The following NOL4L variants were observed in gnomAD, a reference collection of about 807,000 sequenced individuals.
NOL4L encodes nucleolar protein 4-like.
NOL4L carries 7 observed loss-of-function variants against 64.5 expected under a neutral mutation model. The ratio of observed to expected loss-of-function variants is 0.11; its 90% confidence interval spans 0.06 to 0.20. The LOEUF is 0.20. Among genes scored for constraint, NOL4L ranks in the 10% least tolerant of loss-of-function variants. The probability of loss-of-function intolerance (pLI) is 1.00; values close to 1 mark genes in which losing one functional copy is unlikely to be tolerated. For missense variants in NOL4L, 680 were observed against 967.1 expected, an observed-to-expected ratio of 0.70 and a Z score of 3.94; for synonymous variants, 413 against 401.0, an observed-to-expected ratio of 1.03 and a Z score of -0.36.
chr20:32,510,239 C>G, intron 4 of NOL4L: 1 of 347,850 alleles, frequency 2.9e-6, no homozygotes, highest in South Asian at 2.2e-5. Context: ...TTCTACCGCT[C>G]AGAGCAAAGC....
At position 32,584,634 on chromosome 20, in the gene NOL4L, C is replaced by A; in HGVS notation, c.257G>T (p.Arg86Leu). 6.5e-7 allele frequency: 1 copy of A among 1,541,396 alleles called. No individual in the cohort carries two copies. Among genetic ancestry groups the A allele is most frequent in the Non-Finnish European group, 8.8e-7 (1 of 1,142,458 alleles). ...FQFWVRSKGF[R>L]LGSGREPKMG... is the part of the protein sequence containing the mutation. ...CTTGGGTTCCCGGCCGCTGCCCAGG[C>A]GGAAGCCCTTGGAGCGCACCCAGAA... is the stretch of plus-strand genomic sequence containing the variant. The change falls in exon 1 of 11, where the codon CGC becomes CTC. Residue 86 changes from arginine (R) to leucine (L), a missense_variant. Around this residue, in one of 4 missense-constraint regions of NOL4L, gnomAD observed 181 missense variants for 335.2 expected, o/e 0.54. Coordinates refer to ENST00000621426, the MANE Select transcript of NOL4L (RefSeq NM_001256798.2).
rs2016319605 is a variant in NOL4L, at chr20:32,488,868, TTTCTTTC to T, written c.700-14133_700-14127del. On this transcript the variant is annotated intron_variant, in intron 4 of 10. Coordinates refer to ENST00000621426, the MANE Select transcript of NOL4L (RefSeq NM_001256798.2). ...CTTTCTTTCTTTCTTTCTTTCTTTCTTTCTTTCTTTCTTTCTTTCTTTCTTTCCTCTC... is the reference window on the plus strand; with the variant it reads ...CTTTCTTTCTTTCTTTCTTTCTTTCTTTTCTTTCTTTCTTTCTTTCCTCTC... Among the ~76,000 whole-genome samples, 10 of 103,198 alleles carry T rather than the reference TTTCTTTC, an allele frequency of 9.7e-5. 1 individual carries two copies. In the South Asian group the frequency reaches 3.0e-3, roughly 31 times the overall value. The allele number at this position is 103,198 out of a possible 152,430, so 67.7% of individuals were successfully genotyped here.
intron 5 of NOL4L, among the ~76,000 whole-genome samples, chr20:32,470,331 C>T (rs750511239): frequency 2.6e-5 from 4 of 152,260 alleles, no homozygotes; most frequent in African/African-American, 4.8e-5. Context: ...CCAGCCCCGG[C>T]CTGCAGGAGG....
intron 4 of NOL4L, among the ~76,000 whole-genome samples, chr20:32,488,055 A>C (rs1482212257): frequency 6.6e-6 from 1 of 151,386 alleles, no homozygotes; most frequent in Non-Finnish European, 1.5e-5. Context: ...TCAGCCTCCC[A>C]AGTAGCTGGG....
At chr20:32,509,693 T>G in intron 4 of NOL4L, 2 of 1,173,374 alleles carry the variant, frequency 1.7e-6, no homozygotes, top group Non-Finnish European at 2.2e-6. Context: ...TTGACGCAAG[T>G]GAAGATACAG....
intron 1 of NOL4L, among the ~76,000 whole-genome samples, chr20:32,534,071 T>C (rs2018433590): frequency 6.6e-6 from 1 of 152,232 alleles, no homozygotes; most frequent in Non-Finnish European, 1.5e-5. Context: ...CAAGGTGGGA[T>C]CACAGTTTTA....
chr20:32,528,540 C>T (rs1049642161), intron 1 of NOL4L, among the ~76,000 whole-genome samples: 1 of 152,228 alleles, frequency 6.6e-6, no homozygotes, highest in Non-Finnish European at 1.5e-5. Flanking sequence ...GTGAACGGGG[C>T]GGCCGTGGGC....
rs376444615 is a variant in NOL4L, at chr20:32,453,457, G to A, written c.1344C>T (p.Arg448=). Residue 448 remains arginine (R), a synonymous_variant, in exon 8 of 11, where the codon CGC becomes CGT. Transcript: ENST00000621426. This position sits in a 1 kb window ranked among gnomAD's most constrained non-coding sequence, Gnocchi z 5.6. ...TGGGCTGCTTGGAGATGGGCACCATGCGGTCCAGGTTCTCGTCCACAAAGA... is the reference window on the plus strand; with the variant it reads ...TGGGCTGCTTGGAGATGGGCACCATACGGTCCAGGTTCTCGTCCACAAAGA... ...VRLFVDENLD[R]MVPISKQPKE... 5.0e-6 allele frequency: 8 copies of A among 1,614,016 alleles called. No homozygotes were observed. The highest frequency in any genetic ancestry group is 2.7e-5 in the African/African-American group (2 of 74,894).
intron 4 of NOL4L, among the ~76,000 whole-genome samples, chr20:32,489,448 G>A (rs2016365185): frequency 6.6e-6 from 1 of 151,704 alleles, no homozygotes; most frequent in Non-Finnish European, 1.5e-5. Context: ...TCAATCCCCT[G>A]GACTCAAGCA....
rs1246645128 is a variant in NOL4L at position 32,552,171 on chromosome 20, A to G, written c.322-24258T>C. ...GCTATTATATTAAAAAAAGCAACCTATGGAACAATGTACAACATATTTTGT... is the reference window on the plus strand; with the variant it reads ...GCTATTATATTAAAAAAAGCAACCTGTGGAACAATGTACAACATATTTTGT... On this transcript the variant is annotated intron_variant, in intron 1 of 10. Coordinates refer to ENST00000621426, the MANE Select transcript of NOL4L (RefSeq NM_001256798.2). 5.3e-5 allele frequency among the ~76,000 whole-genome samples: 8 copies of G among 152,220 alleles called. No individual in the cohort carries two copies. The East Asian group carries it at 1.3e-3, about 26-fold the overall frequency.
intron 2 of NOL4L, among the ~76,000 whole-genome samples, chr20:32,526,875 T>C (rs972164874): frequency 2.6e-5 from 4 of 152,184 alleles, no homozygotes; most frequent in Admixed American, 1.3e-4. Context: ...TTCAGAGCTA[T>C]GTATGAGCTG....
In NOL4L at chr20:32,456,319, G is replaced by T. The variant is rs747430055; in HGVS notation, c.918C>A (p.Gly306=). The change falls in exon 6 of 11, where the codon GGC becomes GGA. Residue 306 remains glycine (G), a synonymous_variant. Transcript: ENST00000621426. Reference sequence around the variant, plus strand: ...CATTCATCTCGGGGAAGGCAGGGTCGCCCTGCGTGCTGCTCGACGTGGATG... The same window carrying T: ...CATTCATCTCGGGGAAGGCAGGGTCTCCCTGCGTGCTGCTCGACGTGGATG... ...LNPSTSSSTQ[G]DPAFPEMNGN... is the part of the protein sequence containing the mutation. 1 of 1,563,704 alleles carries T rather than the reference G, an allele frequency of 6.4e-7. No homozygotes were observed. The highest frequency in any genetic ancestry group is 1.8e-5 in the Admixed American group (1 of 54,534).
chr20:32,554,042 C>T (rs1978474345), intron 1 of NOL4L, among the ~76,000 whole-genome samples: 1 of 152,068 alleles, frequency 6.6e-6, no homozygotes, highest in Admixed American at 6.5e-5. Context: ...TGGATGTGGC[C>T]AGGCGCGGTG....
intron 1 of NOL4L, among the ~76,000 whole-genome samples, chr20:32,549,435 T>G (rs2018770671): frequency 6.6e-6 from 1 of 152,118 alleles, no homozygotes; most frequent in Non-Finnish European, 1.5e-5. Flanking sequence ...CCCACTAGGA[T>G]GGCTCTAATC....
chr20:32,509,562 G>T (rs933672119), intron 4 of NOL4L, among the ~76,000 whole-genome samples: 1 of 151,538 alleles, frequency 6.6e-6, no homozygotes, highest in African/African-American at 2.4e-5. Context: ...AAATCTAGGG[G>T]TACTGCTGTT....
intron 3 of NOL4L, among the ~76,000 whole-genome samples, chr20:32,516,320 C>A (rs1568677244): frequency 6.6e-6 from 1 of 151,890 alleles, no homozygotes; most frequent in Non-Finnish European, 1.5e-5. Flanking sequence ...GGAAGTAAAT[C>A]ATTGAATTGG....
In NOL4L at chr20:32,453,314, CCGT is replaced by C; in HGVS notation, c.1484_1486del (p.Asn495_Gly496delinsSer). The C allele has an allele frequency of 6.2e-7, 1 of 1,613,594 alleles. No homozygotes were observed. The highest frequency in any genetic ancestry group is 8.5e-7 in the Non-Finnish European group (1 of 1,179,614). ...GCAGGGGGGACTCACCATCTCCATGCCGTTCTTCTTCATGCGACGGCAGGACTT... is the reference window on the plus strand; with the variant it reads ...GCAGGGGGGACTCACCATCTCCATGCTCTTCTTCATGCGACGGCAGGACTT... On this transcript the variant is annotated inframe_deletion, in exon 8 of 11. Transcript: ENST00000621426. The surrounding 1 kb of genome is among the most constrained non-coding windows in gnomAD (Gnocchi z 5.6).
chr20:32,464,739 T>A lies in NOL4L; in HGVS notation c.842-8344A>T. 3.1e-6 allele frequency: 1 copy of A among 321,676 alleles called. No individual in the cohort carries two copies. Among genetic ancestry groups the A allele is most frequent in the East Asian group, 4.7e-5 (1 of 21,322 alleles). 19.9% of individuals were successfully genotyped at this position (321,676 alleles called of 1,614,324 possible). A position where few individuals can be genotyped will look rare whatever the true frequency, so the allele number is the denominator to read the frequency against. ...AGCCGCATGAGGGATTTGAGTGCCC[T>A]AGTACCCACATTTTAAAAAGTAATA... On this transcript the variant is annotated intron_variant, in intron 5 of 10. Coordinates refer to ENST00000621426, the MANE Select transcript of NOL4L (RefSeq NM_001256798.2). The surrounding 1 kb of genome is among the most constrained non-coding windows in gnomAD (Gnocchi z 5.6).
At chr20:32,539,765 G>A (rs978401010) in intron 1 of NOL4L, among the ~76,000 whole-genome samples, 1 of 152,158 alleles carries the variant, frequency 6.6e-6, no homozygotes, top group Non-Finnish European at 1.5e-5. Context: ...AATGAGAGGT[G>A]GACAATGAGC....
Sources: allele counts gnomAD v4.1 joint callset (sites outside exome capture counted in the v4.1 genomes callset), GRCh38; gene constraint gnomAD v4.1.1; regional missense constraint gnomAD v4.1.1; non-coding constraint Gnocchi (gnomAD v3.1); transcripts MANE v1.5; gene names NCBI Gene and HGNC (gene_info 2026-07-23, HGNC 2026-07-21).